TRPM7: variants seen among roughly 807,000 people sequenced by gnomAD.
TRPM7 encodes the protein transient receptor potential cation channel subfamily M member 7, also known as LTRPC ion channel family member 7.
Under a neutral mutation model 229.7 loss-of-function variants are expected in TRPM7, and 134 were observed. The ratio of observed to expected loss-of-function variants is 0.58; its 90% CI spans 0.51 to 0.67. TRPM7 has a LOEUF of 0.67. Among genes scored for constraint, TRPM7 ranks in the 30% least tolerant of loss-of-function variants. The pLI is 0.00. For missense variants in TRPM7, 1,901 were observed against 2,210.0 expected (o/e 0.86, Z 2.80); for synonymous variants, 699 against 715.2 (o/e 0.98, Z 0.36).
intron 1 of TRPM7, among the ~76,000 whole-genome samples, chr15:50,685,269 G>T (rs2062332080): frequency 6.6e-6 from 1 of 152,170 alleles, no homozygotes; most frequent in African/African-American, 2.4e-5. Flanking sequence ...TAAGAGACGA[G>T]CCTGCCAAAC....
chr15:50,624,378 GATTTAC>G (rs61604376), intron 11 of TRPM7, 78 bp from the exon 12 acceptor site: 470,948 of 1,215,694 alleles, frequency 0.39, 96,498 homozygotes, highest in Admixed American at 0.49. Context: ...AAGTCCTTAG[GATTTAC>G]ATTTAATTTG....
intron 31 of TRPM7, among the ~76,000 whole-genome samples, chr15:50,578,198 C>T (rs1390516334): frequency 2.6e-5 from 4 of 152,064 alleles, no homozygotes; most frequent in Non-Finnish European, 2.9e-5. Flanking sequence ...CTATACACTT[C>T]GATAAAAGGT....
At chr15:50,649,068 T>C (rs926878576) in intron 3 of TRPM7, among the ~76,000 whole-genome samples, 183 bp from the exon 4 acceptor site, 1 of 152,126 alleles carries the variant, frequency 6.6e-6, no homozygotes, top group East Asian at 1.9e-4. Flanking sequence ...AGCACTGAAA[T>C]AGTATAATTA....
At chr15:50,567,513 C>T (rs1440145044) in intron 38 of TRPM7, among the ~76,000 whole-genome samples, 1 of 152,034 alleles carries the variant, frequency 6.6e-6, no homozygotes, top group African/African-American at 2.4e-5. Context: ...CATAGTGCCC[C>T]ATAAAACAAA....
intron 1 of TRPM7, among the ~76,000 whole-genome samples, 172 bp downstream of exon 1, chr15:50,686,359 C>G (rs1053814270): frequency 1.3e-5 from 2 of 152,224 alleles, no homozygotes; most frequent in Non-Finnish European, 2.9e-5. Context: ...GCCCCTCACC[C>G]CAGAACGAAC....
In TRPM7 at chr15:50,683,498, G is replaced by A. The variant is rs1452534605; in HGVS notation, c.3+3033C>T. Among the ~76,000 whole-genome samples, 21 of 151,812 alleles carry A rather than the reference G, an allele frequency of 1.4e-4. 1 individual carries two copies. Among genetic ancestry groups the A allele is most frequent in the Admixed American group, 1.3e-3 (20 of 15,256 alleles). ...GCCTGTAATCCCAACACTTTGGGAG[G>A]CCGAGGCGGGTGGATCACCTGGGGT... On this transcript the variant is annotated intron_variant, in intron 1 of 38. Transcript: ENST00000646667.
intron 36 of TRPM7, among the ~76,000 whole-genome samples, chr15:50,570,677 TAAAAAAAAAA>T (rs149970874): frequency 1.1e-5 from 1 of 91,748 alleles, no homozygotes; most frequent in Non-Finnish European, 2.1e-5. Flanking sequence ...ACTTCATTCC[TAAAAAAAAAA>T]AAAAAAAAAA....
rs1271438241 is a variant in TRPM7 at position 50,632,691 on chromosome 15, CCTT to C, written c.1131+175_1131+177del. On this transcript the variant is annotated intron_variant, in intron 9 of 38. Coordinates refer to ENST00000646667, the MANE Select transcript of TRPM7 (RefSeq NM_017672.6). ...ATACCATATAAAAAACTACAGGCCT[CCTT>C]CTATGATACCTCTCAACTTGAACAG... is the stretch of plus-strand genomic sequence containing the variant. 2.6e-5 allele frequency among the ~76,000 whole-genome samples: 4 copies of C among 152,244 alleles called. No homozygotes were observed. The East Asian group carries it at 7.7e-4, about 29-fold the overall frequency.
rs117361986 is a variant in TRPM7, at chr15:50,587,213, A to C, written c.4390-725T>G. Among the ~76,000 whole-genome samples the C allele has an allele frequency of 1.2e-3, 180 of 152,056 alleles. 2 individuals carry two copies. The East Asian group carries it at 0.03, about 25-fold the overall frequency. On this transcript the variant is annotated intron_variant, in intron 27 of 38. Coordinates refer to ENST00000646667, the MANE Select transcript of TRPM7 (RefSeq NM_017672.6). ...TTTTGGGGATCTTGGTAACTTTCTTATTGCTTTGTATGAGCTATTTATACA... is the reference window on the plus strand; with the variant it reads ...TTTTGGGGATCTTGGTAACTTTCTTCTTGCTTTGTATGAGCTATTTATACA...
At chr15:50,595,837 T>TG (rs1238326333) in intron 23 of TRPM7, among the ~76,000 whole-genome samples, 3 of 152,038 alleles carry the variant, frequency 2.0e-5, no homozygotes, top group Non-Finnish European at 4.4e-5. Flanking sequence ...CCAACCTGGG[T>TG]GACAGAGGGA....
chr15:50,614,564 C>G (rs1275704820), intron 13 of TRPM7, among the ~76,000 whole-genome samples: 1 of 150,234 alleles, frequency 6.7e-6, no homozygotes, highest in African/African-American at 2.5e-5. Flanking sequence ...ACTCAAGAGG[C>G]TGAGGCAGGA....
intron 5 of TRPM7, among the ~76,000 whole-genome samples, chr15:50,640,737 T>C (rs2061077526): frequency 1.3e-5 from 2 of 152,180 alleles, no homozygotes; most frequent in South Asian, 4.2e-4. Flanking sequence ...GACGATTAAT[T>C]TAAAATAAGG....
chr15:50,648,200 C>A (rs1415977452), intron 4 of TRPM7, among the ~76,000 whole-genome samples: 2 of 151,744 alleles, frequency 1.3e-5, no homozygotes, highest in Non-Finnish European at 1.5e-5. Flanking sequence ...TGAAACCAAG[C>A]CCCCTGAAGG....
At chr15:50,594,699 T>A in intron 23 of TRPM7, 86 bp from the exon 24 acceptor site, 2 of 899,620 alleles carry the variant, frequency 2.2e-6, no homozygotes, top group Non-Finnish European at 3.2e-6. Flanking sequence ...TGTAATTCTG[T>A]ACTAAATAAT....
At chr15:50,580,151 G>T (rs1410527721) in intron 30 of TRPM7, among the ~76,000 whole-genome samples, 21 of 152,280 alleles carry the variant, frequency 1.4e-4, no homozygotes, top group Admixed American at 1.4e-3. Flanking sequence ...CTCTGCTCAA[G>T]TAATCCATAT....
intron 26 of TRPM7, among the ~76,000 whole-genome samples, chr15:50,591,389 T>C (rs1465600617): frequency 6.6e-6 from 1 of 152,190 alleles, no homozygotes; most frequent in East Asian, 1.9e-4. Context: ...CAATTGAAGA[T>C]ATTCAAATTC....
Position 50,586,372 on chromosome 15 carries a change from C to G in TRPM7, c.4486+20G>C. The G allele has an allele frequency of 6.8e-7, 1 of 1,472,848 alleles. No homozygotes were observed. The highest frequency in any genetic ancestry group is 9.5e-7 in the Non-Finnish European group (1 of 1,052,702). 91.2% of individuals were successfully genotyped at this position (1,472,848 alleles called of 1,614,324 possible). On this transcript the variant is annotated intron_variant, in intron 28 of 38. Transcript: ENST00000646667. ...AATGAGTATGTTTTCTGACACTATT[C>G]ATATGGTCAAAATACTCACCTTGTT...
At chr15:50,654,013 T>C (rs534519821) in intron 3 of TRPM7, among the ~76,000 whole-genome samples, 18 of 152,196 alleles carry the variant, frequency 1.2e-4, no homozygotes, top group African/African-American at 4.1e-4. Flanking sequence ...AAGTTCAAAA[T>C]AGAAGTAGAA....
At chr15:50,562,644 C>T (rs764673455) in intron 38 of TRPM7, among the ~76,000 whole-genome samples, 5 of 151,736 alleles carry the variant, frequency 3.3e-5, no homozygotes, top group East Asian at 1.9e-4. Context: ...TGGTGATGTG[C>T]GCCTGTAGTC....
Sources: gnomAD v4.1 joint callset for allele counts (sites outside exome capture counted in the v4.1 genomes callset) on GRCh38, gnomAD v4.1.1 for gene constraint, MANE v1.5 for transcripts, NCBI Gene and HGNC (gene_info 2026-07-23, HGNC 2026-07-21) for gene names.